The following EYA2 variants were observed in gnomAD, a reference collection of about 807,000 sequenced individuals.
The protein encoded by EYA2 is protein phosphatase EYA2.
EYA2 carries 31 observed loss-of-function variants against 69.2 expected under a neutral mutation model. The ratio of observed to expected loss-of-function variants is 0.45; its 90% CI spans 0.34 to 0.60. EYA2 has a LOEUF of 0.60. Among genes scored for constraint, EYA2 ranks in the 20% least tolerant of loss-of-function variants. The pLI is 0.02. For synonymous variants in EYA2, 257 were observed against 279.4 expected, an observed-to-expected ratio of 0.92 and a Z score of 0.80; for missense variants, 622 against 701.2, an observed-to-expected ratio of 0.89 and a Z score of 1.28.
At chr20:47,108,412 A>G (rs562180703) in intron 9 of EYA2, among the ~76,000 whole-genome samples, 2 of 152,222 alleles carry the variant, frequency 1.3e-5, no homozygotes, top group African/African-American at 4.8e-5. Flanking sequence ...CTGAGGCCTC[A>G]CCAGATGCAG....
intron 5 of EYA2, among the ~76,000 whole-genome samples, chr20:47,026,414 T>A (rs1173518434): frequency 3.3e-5 from 5 of 152,042 alleles, no homozygotes; most frequent in Non-Finnish European, 7.4e-5. Context: ...ATGAAAAGAT[T>A]GACAGGTTCA....
intron 10 of EYA2, among the ~76,000 whole-genome samples, chr20:47,168,201 G>GT (rs34733467): frequency 0.47 from 71,065 of 150,702 alleles, 17,676 homozygotes; most frequent in African/African-American, 0.63. Context: ...TTGTTTTTTT[G>GT]TTTTTTTTGA....
At chr20:46,912,761 C>T (rs907183682) in intron 1 of EYA2, among the ~76,000 whole-genome samples, 19 of 149,118 alleles carry the variant, frequency 1.3e-4, no homozygotes, top group Non-Finnish European at 2.5e-4. Context: ...ACTGCAGTGG[C>T]GCAATCTCGG....
chr20:47,062,183 C>CG (rs1363199538), intron 5 of EYA2, among the ~76,000 whole-genome samples: 1 of 152,190 alleles, frequency 6.6e-6, no homozygotes, highest in Non-Finnish European at 1.5e-5. Context: ...TTGTCCACCT[C>CG]GGACCACCAC....
intron 1 of EYA2, among the ~76,000 whole-genome samples, chr20:46,973,378 A>G (rs1365659062): frequency 6.6e-6 from 1 of 152,252 alleles, no homozygotes; most frequent in East Asian, 1.9e-4. Flanking sequence ...AGGCGATACA[A>G]TAAGCAAATC....
chr20:47,033,496 G>A (rs1012284989), intron 5 of EYA2, among the ~76,000 whole-genome samples: 9 of 152,142 alleles, frequency 5.9e-5, no homozygotes, highest in African/African-American at 2.2e-4. Flanking sequence ...GATATGAGTT[G>A]GTCTAAGTCA....
intron 1 of EYA2, among the ~76,000 whole-genome samples, chr20:46,920,081 C>G (rs1327991022): frequency 6.6e-6 from 1 of 152,008 alleles, no homozygotes; most frequent in East Asian, 1.9e-4. Context: ...TGAATAATAT[C>G]AAAGATCACT....
At chr20:47,102,638 G>A (rs562368280) in intron 9 of EYA2, among the ~76,000 whole-genome samples, 13 of 152,326 alleles carry the variant, frequency 8.5e-5, no homozygotes, top group African/African-American at 3.1e-4. Context: ...TGAATTTTAA[G>A]ACAGAAACTG....
At position 47,100,239 on chromosome 20, in the gene EYA2, G is replaced by A. The variant is rs923532184; in HGVS notation, c.888+3071G>A. Among the ~76,000 whole-genome samples the A allele has an allele frequency of 3.9e-5, 6 of 152,160 alleles. No individual in the cohort carries two copies. The South Asian group carries it at 6.2e-4, about 16-fold the overall frequency. On this transcript the variant is annotated intron_variant, in intron 9 of 15. Transcript: ENST00000327619. Reference sequence around the variant, plus strand: ...GTGTTTGAAAAAATGTGAATGTGTCGCCAACATTTAAAAATCAGGAGATTG... The same window carrying A: ...GTGTTTGAAAAAATGTGAATGTGTCACCAACATTTAAAAATCAGGAGATTG...
intron 1 of EYA2, among the ~76,000 whole-genome samples, chr20:46,906,715 G>A (rs936368969): frequency 1.3e-5 from 2 of 152,124 alleles, no homozygotes; most frequent in Non-Finnish European, 2.9e-5. Context: ...CTTGTTCAAG[G>A]TCACCCAGCA....
intron 4 of EYA2, among the ~76,000 whole-genome samples, chr20:47,011,861 G>A (rs546079619): frequency 3.3e-5 from 5 of 152,276 alleles, no homozygotes; most frequent in East Asian, 1.9e-4. Context: ...ATCATGTTTG[G>A]AGAATTGTGT....
rs866749334 is a variant in EYA2, at chr20:47,078,324, C to T, written c.661+3989C>T. On this transcript the variant is annotated intron_variant, in intron 7 of 15. Coordinates refer to ENST00000327619, the MANE Select transcript of EYA2 (RefSeq NM_005244.5). ...GTGTGTGCACATGTGCACGTGCGCG[C>T]GCGCGCGCACACACACACACACACA... Among the ~76,000 whole-genome samples, 233 of 76,046 alleles carry T rather than the reference C, an allele frequency of 3.1e-3. 1 individual carries two copies. Among genetic ancestry groups the T allele is most frequent in the Middle Eastern group, 6.8e-3 (1 of 146 alleles). The allele number at this position is 76,046 out of a possible 152,430, so 49.9% of individuals were successfully genotyped here. A position where few individuals can be genotyped will look rare whatever the true frequency, so the allele number is the denominator to read the frequency against.
At position 47,179,815 on chromosome 20, in the gene EYA2, A is replaced by G; in HGVS notation, c.1216A>G (p.Lys406Glu). Residue 406 changes from lysine to glutamate, a missense_variant, in exon 13 of 16, where the codon AAA (lysine) becomes GAA (glutamate). Lys to Glu is a moderately conservative substitution (Grantham distance 56, BLOSUM62 1). This residue lies in a region of EYA2 where 257 missense variants were observed against 351.5 expected (regional missense o/e 0.73). Coordinates refer to ENST00000327619, the MANE Select transcript of EYA2 (RefSeq NM_005244.5). ...GTCCACAGGGTTGATAGGCACTCCC[A>G]AAAGGGAGACCTGGCTACAGCTCCG... Reference protein sequence around the residue: ...NNVGGLIGTPKRETWLQLRAE... With the variant: ...NNVGGLIGTPERETWLQLRAE... 7 of 1,613,498 alleles carry G rather than the reference A, an allele frequency of 4.3e-6. No homozygotes were observed. The highest frequency in any genetic ancestry group is 5.9e-6 in the Non-Finnish European group (7 of 1,179,542).
chr20:47,188,816 A>G lies in EYA2; in HGVS notation c.*683A>G, dbSNP rs984625035. On this transcript the variant is annotated 3_prime_UTR_variant, in exon 16 of 16. Coordinates refer to ENST00000327619, the MANE Select transcript of EYA2 (RefSeq NM_005244.5). Reference sequence around the variant, plus strand: ...GGGTGCTTTGTGATGGATAAAAGGCATTAAATAAAACCACGTTTACATTTT... The same window carrying G: ...GGGTGCTTTGTGATGGATAAAAGGCGTTAAATAAAACCACGTTTACATTTT... The G allele has an allele frequency of 2.6e-5, 4 of 155,058 alleles. No homozygotes were observed. The highest frequency in any genetic ancestry group is 9.6e-5 in the African/African-American group (4 of 41,536). 9.6% of individuals were successfully genotyped at this position (155,058 alleles called of 1,614,324 possible).
intron 5 of EYA2, among the ~76,000 whole-genome samples, chr20:47,031,134 A>G (rs1984387197): frequency 6.6e-6 from 1 of 152,198 alleles, no homozygotes; most frequent in African/African-American, 2.4e-5. Flanking sequence ...CTCCAAGGAG[A>G]ATAAACAGGG....
chr20:47,070,280 C>T (rs182070300), intron 5 of EYA2, among the ~76,000 whole-genome samples: 21 of 152,252 alleles, frequency 1.4e-4, no homozygotes, highest in African/African-American at 4.6e-4. Flanking sequence ...ATGTGAATGG[C>T]TAAAAAGCAC....
At chr20:46,895,982 T>C (rs1185416661) in intron 1 of EYA2, among the ~76,000 whole-genome samples, 1 of 152,208 alleles carries the variant, frequency 6.6e-6, no homozygotes, top group East Asian at 1.9e-4. Context: ...GCTGCGTTTT[T>C]ATGGATACCC....
intron 5 of EYA2, among the ~76,000 whole-genome samples, chr20:47,060,596 G>A (rs1006239879): frequency 1.3e-5 from 2 of 152,240 alleles, no homozygotes; most frequent in Non-Finnish European, 2.9e-5. Flanking sequence ...AGGCATGCCT[G>A]TTGGGAGGCC....
At chr20:47,052,581 A>G (rs2030395090) in intron 5 of EYA2, among the ~76,000 whole-genome samples, 2 of 152,302 alleles carry the variant, frequency 1.3e-5, no homozygotes, top group Non-Finnish European at 1.5e-5. Context: ...AAACCGCTAC[A>G]AGGCAAAATA....
Sources: gnomAD v4.1 joint callset for allele counts (sites outside exome capture counted in the v4.1 genomes callset) on GRCh38, gnomAD v4.1.1 for gene constraint, gnomAD v4.1.1 regional missense constraint, MANE v1.5 for transcripts, NCBI Gene and HGNC (gene_info 2026-07-23, HGNC 2026-07-21) for gene names.